Variants in APBA1 observed in about 807,000 individuals in gnomAD.
APBA1 encodes amyloid-beta A4 precursor protein-binding family A member 1.
APBA1 carries 55 observed loss-of-function variants against 86.6 expected under a neutral mutation model. That is an observed-to-expected ratio of 0.64 (90% CI 0.51 to 0.80). The LOEUF (loss-of-function observed/expected upper bound fraction) is 0.80, where lower values mean the gene tolerates loss of function less well. Ranked by LOEUF, APBA1 falls within the 30% of genes least tolerant of loss-of-function variation. The pLI is 0.00. For missense variants in APBA1, 1,090 were observed against 1,183.0 expected (o/e 0.92, Z 1.15); for synonymous variants, 511 against 493.9 (o/e 1.03, Z -0.46).
At chr9:69,646,591 C>A (rs1823394775) in intron 1 of APBA1, among the ~76,000 whole-genome samples, 2 of 152,154 alleles carry the variant, frequency 1.3e-5, no homozygotes, top group Non-Finnish European at 2.9e-5. Flanking sequence ...TCAAGCCTTC[C>A]TTGCTCTTTT....
chr9:69,439,998 A>G (rs904515895), intron 11 of APBA1, among the ~76,000 whole-genome samples: 5 of 152,228 alleles, frequency 3.3e-5, no homozygotes, highest in East Asian at 1.9e-4. Flanking sequence ...TTTTCCTTCT[A>G]ACAGTCAGGA....
At chr9:69,617,050 A>T (rs1564093188) in intron 1 of APBA1, among the ~76,000 whole-genome samples, 1 of 152,150 alleles carries the variant, frequency 6.6e-6, no homozygotes, top group South Asian at 2.1e-4. Flanking sequence ...ACATATACAC[A>T]TAAAAAGACT....
chr9:69,660,203 AG>A (rs1476835240), intron 1 of APBA1, among the ~76,000 whole-genome samples: 1 of 152,258 alleles, frequency 6.6e-6, no homozygotes, highest in Non-Finnish European at 1.5e-5. Context: ...GAAAAACAGG[AG>A]GTATGTTCAA....
chr9:69,431,029 C>T lies in APBA1; in HGVS notation c.*298G>A, dbSNP rs1043658150. ...GGATTCTCCCTCAAGCAGTGACAGC[C>T]CACCCCCTGGACACACCCAGAAAGC... is the stretch of plus-strand genomic sequence containing the variant. On this transcript the variant is annotated 3_prime_UTR_variant, in exon 13 of 13. Transcript: ENST00000265381. 3.3e-6 allele frequency: 1 copy of T among 307,418 alleles called. No individual in the cohort carries two copies. Among genetic ancestry groups the T allele is most frequent in the African/African-American group, 2.1e-5 (1 of 46,592 alleles). 19.0% of individuals were successfully genotyped at this position (307,418 alleles called of 1,614,324 possible). A position where few individuals can be genotyped will look rare whatever the true frequency, so the allele number is the denominator to read the frequency against.
chr9:69,640,893 T>C (rs972246391), intron 1 of APBA1, among the ~76,000 whole-genome samples: 7 of 147,398 alleles, frequency 4.7e-5, no homozygotes, highest in Admixed American at 2.1e-4. Flanking sequence ...TCCTAGCCCA[T>C]GTAATAAGGA....
In APBA1 at chr9:69,603,202, C is replaced by T. The variant is rs1383658873; in HGVS notation, c.-70+68951G>A. ...CTGAGCCCAATCACTGGCTGAAGAC[C>T]TCAGATTTAAAACCAAAATAATAAA... is the stretch of plus-strand genomic sequence containing the variant. On this transcript the variant is annotated intron_variant, in intron 1 of 12. Coordinates refer to ENST00000265381, the MANE Select transcript of APBA1 (RefSeq NM_001163.4). Among the ~76,000 whole-genome samples, 3 of 152,192 alleles carry T rather than the reference C, an allele frequency of 2.0e-5. No individual in the cohort carries two copies. In the East Asian group the frequency reaches 5.8e-4, roughly 29 times the overall value.
intron 1 of APBA1, among the ~76,000 whole-genome samples, chr9:69,563,759 TCAGA>T (rs1317035219): frequency 6.6e-6 from 1 of 152,102 alleles, no homozygotes; most frequent in Admixed American, 6.5e-5. Flanking sequence ...TTCCTGACAC[TCAGA>T]CAGACAGATG....
At chr9:69,555,991 G>C (rs562355332) in intron 1 of APBA1, among the ~76,000 whole-genome samples, 2 of 152,078 alleles carry the variant, frequency 1.3e-5, no homozygotes, top group African/African-American at 4.8e-5. Context: ...AACCCCAAAA[G>C]AGGAAGCAGT....
At chr9:69,625,088 A>C (rs1822902226) in intron 1 of APBA1, among the ~76,000 whole-genome samples, 1 of 152,116 alleles carries the variant, frequency 6.6e-6, no homozygotes, top group Non-Finnish European at 1.5e-5. Context: ...CCTCTGTCTT[A>C]TAGGGCTCTG....
chr9:69,441,068 A>C lies in APBA1; in HGVS notation c.2229T>G (p.Pro743=). Residue 743 remains proline, a synonymous_variant, in exon 11 of 13, where the codon CCT becomes CCG. Transcript: ENST00000265381. ...SRVKLNIVRC[P]PVTTVLIRRP... ...TTCTGATTAACACGGTGGTCACCGG[A>C]GGACATCTCACGATATTCAGCTTGA... 6.2e-7 allele frequency: 1 copy of C among 1,614,140 alleles called. No homozygotes were observed. Among genetic ancestry groups the C allele is most frequent in the South Asian group, 1.1e-5 (1 of 91,076 alleles).
intron 1 of APBA1, among the ~76,000 whole-genome samples, chr9:69,563,158 T>G (rs1836973434): frequency 6.6e-6 from 1 of 152,240 alleles, no homozygotes; most frequent in Non-Finnish European, 1.5e-5. Context: ...GTAAAGTGAC[T>G]TAAATTTGGC....
intron 1 of APBA1, among the ~76,000 whole-genome samples, chr9:69,658,350 CTTTCTTTCTGTG>C (rs1823681788): frequency 7.4e-6 from 1 of 135,108 alleles, no homozygotes; most frequent in African/African-American, 2.8e-5. Context: ...TTCTTTCTTT[CTTTCTTTCTGTG>C]TTTCTCTGTC....
rs1834564724 is a variant in APBA1, at chr9:69,430,199, A to G, written c.*1128T>C. 1 of 152,276 alleles carries G rather than the reference A, an allele frequency of 6.6e-6. No individual in the cohort carries two copies. Among genetic ancestry groups the G allele is most frequent in the Non-Finnish European group, 1.5e-5 (1 of 68,082 alleles). 9.4% of individuals were successfully genotyped at this position (152,276 alleles called of 1,614,324 possible). On this transcript the variant is annotated 3_prime_UTR_variant, in exon 13 of 13. Coordinates refer to ENST00000265381, the MANE Select transcript of APBA1 (RefSeq NM_001163.4). ...ATCCGCCTAGTGGCCCTGAGCAGAG[A>G]AGAAAGTTGGTCTTGCCTTGGGCCA...
chr9:69,670,897 G>A (rs999371869), intron 1 of APBA1, among the ~76,000 whole-genome samples: 2 of 152,194 alleles, frequency 1.3e-5, no homozygotes, highest in African/African-American at 2.4e-5. Flanking sequence ...ACAGCTGGGA[G>A]AGTGGATGTC....
At chr9:69,636,362 T>C (rs575573717) in intron 1 of APBA1, among the ~76,000 whole-genome samples, 1 of 152,238 alleles carries the variant, frequency 6.6e-6, no homozygotes, top group East Asian at 1.9e-4. Context: ...ACTAAAAATA[T>C]ACTTACCATA....
At chr9:69,447,901 G>C (rs1229439563) in intron 10 of APBA1, among the ~76,000 whole-genome samples, 1 of 152,056 alleles carries the variant, frequency 6.6e-6, no homozygotes, top group African/African-American at 2.4e-5. Flanking sequence ...CTGTGTCCAC[G>C]GGGCCCCTGG....
chr9:69,663,540 T>C (rs1823790674), intron 1 of APBA1, among the ~76,000 whole-genome samples: 2 of 152,216 alleles, frequency 1.3e-5, no homozygotes, highest in Admixed American at 1.3e-4. Context: ...CTTTGGCAAT[T>C]ATCCTTCTTT....
At chr9:69,615,422 C>A (rs901962630) in intron 1 of APBA1, among the ~76,000 whole-genome samples, 1 of 152,078 alleles carries the variant, frequency 6.6e-6, no homozygotes, top group African/African-American at 2.4e-5. Context: ...CAATTGGAAA[C>A]ATTGGTTATA....
chr9:69,505,723 G>T (rs1835948869), intron 2 of APBA1, among the ~76,000 whole-genome samples: 1 of 152,046 alleles, frequency 6.6e-6, no homozygotes, highest in Admixed American at 6.5e-5. Context: ...TGGATTTTCA[G>T]AACTGGTCTT....
Sources: gnomAD v4.1 joint callset for allele counts (sites outside exome capture counted in the v4.1 genomes callset) on GRCh38, gnomAD v4.1.1 for gene constraint, MANE v1.5 for transcripts, NCBI Gene and HGNC (gene_info 2026-07-23, HGNC 2026-07-21) for gene names.